The following SDCCAG8 variants were observed in gnomAD, a reference collection of about 807,000 sequenced individuals.
The protein encoded by SDCCAG8 is SHH signaling and ciliogenesis regulator SDCCAG8.
A neutral mutation model predicts 101.8 loss-of-function variants in SDCCAG8; 74 were observed. The observed-to-expected ratio is 0.73, with a 90% CI of 0.60 to 0.88. SDCCAG8 has a LOEUF of 0.88. Ranked by LOEUF, SDCCAG8 falls within the 40% of genes least tolerant of loss-of-function variation. The pLI, the probability that SDCCAG8 is intolerant of heterozygous loss-of-function variation, is 0.00. For synonymous variants in SDCCAG8, 281 were observed against 292.9 expected (o/e 0.96, Z 0.41); for missense variants, 787 against 822.6 (o/e 0.96, Z 0.53).
At chr1:243,265,808 G>A (rs138495821) in intron 1 of SDCCAG8, among the ~76,000 whole-genome samples, 1,794 of 149,120 alleles carry the variant, frequency 0.012, 23 homozygotes, top group Non-Finnish European at 0.016. Flanking sequence ...GGGAGACTTC[G>A]TCTCCAAAAA....
At chr1:243,452,487 G>A (rs12743378) in intron 16 of SDCCAG8, among the ~76,000 whole-genome samples, 14,526 of 140,634 alleles carry the variant, frequency 0.1, 839 homozygotes, top group Non-Finnish European at 0.14. Flanking sequence ...CAGTGGTGCA[G>A]TCACAGCTTA....
chr1:243,327,507 G>A (rs568899536), intron 9 of SDCCAG8, among the ~76,000 whole-genome samples: 5 of 148,460 alleles, frequency 3.4e-5, no homozygotes, highest in African/African-American at 7.4e-5. Context: ...TTATAATTTT[G>A]TAGAAATTAA....
At chr1:243,330,921 T>A (rs1017810248) in intron 10 of SDCCAG8, among the ~76,000 whole-genome samples, 1 of 152,242 alleles carries the variant, frequency 6.6e-6, no homozygotes, top group African/African-American at 2.4e-5. Flanking sequence ...TTAGATTCCA[T>A]ACAATGAAAT....
chr1:243,266,175 G>T (rs2067566837), intron 1 of SDCCAG8, among the ~76,000 whole-genome samples: 1 of 152,130 alleles, frequency 6.6e-6, no homozygotes, highest in Non-Finnish European at 1.5e-5. Context: ...TTTCTGTGAT[G>T]AGAACATCAA....
chr1:243,352,855 T>C (rs2076156662), intron 12 of SDCCAG8, among the ~76,000 whole-genome samples: 1 of 152,222 alleles, frequency 6.6e-6, no homozygotes, highest in Non-Finnish European at 1.5e-5. Context: ...TTTAACATTA[T>C]CTTAAGCATT....
chr1:243,288,148 C>A (rs932858562), intron 5 of SDCCAG8, among the ~76,000 whole-genome samples: 2 of 152,054 alleles, frequency 1.3e-5, no homozygotes, highest in East Asian at 3.8e-4. Flanking sequence ...GTTACCCCCA[C>A]GTTTTACCTG....
intron 13 of SDCCAG8, among the ~76,000 whole-genome samples, chr1:243,390,260 G>A (rs768336497): frequency 6.6e-6 from 1 of 152,096 alleles, no homozygotes; most frequent in Non-Finnish European, 1.5e-5. Flanking sequence ...CAGAGAATGT[G>A]TCAAAAATAA....
intron 4 of SDCCAG8, among the ~76,000 whole-genome samples, chr1:243,284,793 A>AT (rs1431711380): frequency 1.3e-5 from 2 of 151,776 alleles, no homozygotes; most frequent in African/African-American, 4.8e-5. Flanking sequence ...GCATAAGGGG[A>AT]TTTTTTTCTA....
intron 12 of SDCCAG8, among the ~76,000 whole-genome samples, chr1:243,369,990 C>A (rs1441535290): frequency 6.6e-6 from 1 of 152,030 alleles, no homozygotes; most frequent in Non-Finnish European, 1.5e-5. Context: ...TCTGAATCTA[C>A]CTCTCCCAGT....
At chr1:243,336,347 T>A (rs925911755) in intron 10 of SDCCAG8, among the ~76,000 whole-genome samples, 3 of 152,128 alleles carry the variant, frequency 2.0e-5, no homozygotes, top group African/African-American at 7.2e-5. Context: ...CTCATTGTGG[T>A]TTTGATTTGC....
intron 8 of SDCCAG8, among the ~76,000 whole-genome samples, chr1:243,314,674 G>T (rs2073075559): frequency 6.6e-6 from 1 of 151,816 alleles, no homozygotes; most frequent in African/African-American, 2.4e-5. Flanking sequence ...TCCTGTTGTG[G>T]ATCTGTCTGT....
intron 16 of SDCCAG8, among the ~76,000 whole-genome samples, chr1:243,434,152 G>A (rs1436660102): frequency 1.3e-5 from 2 of 152,220 alleles, no homozygotes; most frequent in African/African-American, 2.4e-5. Flanking sequence ...CCCCTACGGT[G>A]CAGTATTGCA....
chr1:243,267,335 G>A (rs2067698609), intron 1 of SDCCAG8: 1 of 235,032 alleles, frequency 4.3e-6, no homozygotes, highest in Non-Finnish European at 8.5e-6. Flanking sequence ...GGTGGCTTAC[G>A]CCTGTAATCC....
intron 13 of SDCCAG8, among the ~76,000 whole-genome samples, chr1:243,401,472 G>C (rs927041184): frequency 2.0e-5 from 3 of 152,206 alleles, no homozygotes; most frequent in Admixed American, 1.3e-4. Context: ...ATGATATAAG[G>C]ATGATTACTA....
At chr1:243,320,138 A>C (rs554954228) in intron 9 of SDCCAG8, among the ~76,000 whole-genome samples, 6 of 152,292 alleles carry the variant, frequency 3.9e-5, no homozygotes, top group African/African-American at 1.4e-4. Context: ...CTGATCAGAA[A>C]ACTGGATTTC....
In SDCCAG8 at chr1:243,341,114, A is replaced by G. The variant is rs769796315; in HGVS notation, c.1297A>G (p.Ile433Val). The change falls in exon 11 of 18, where the codon ATT (isoleucine) becomes GTT (valine). Residue 433 changes from isoleucine to valine, a missense_variant. Physicochemically the swap from Ile to Val is conservative, Grantham distance 29. Coordinates refer to ENST00000366541, the MANE Select transcript of SDCCAG8 (RefSeq NM_006642.5). Reference protein sequence around the residue: ...EKVTKEKISAINQLEEIQSQL... With the variant: ...EKVTKEKISAVNQLEEIQSQL... ...GGTTACAAAGGAAAAGATTTCAGCT[A>G]TTAATCAACTGGAGGAAATTCAAAG... The G allele has an allele frequency of 6.8e-6, 11 of 1,613,972 alleles. No homozygotes were observed. The highest frequency in any genetic ancestry group is 9.3e-6 in the Non-Finnish European group (11 of 1,179,916).
intron 13 of SDCCAG8, among the ~76,000 whole-genome samples, chr1:243,397,991 C>T: frequency 6.6e-6 from 1 of 152,190 alleles, no homozygotes; most frequent in South Asian, 2.1e-4. Flanking sequence ...GAAAATTTTA[C>T]TACATTACAT....
chr1:243,417,876 G>C (rs1263679809), intron 14 of SDCCAG8, 92 bp from the exon 15 acceptor site: 1 of 879,918 alleles, frequency 1.1e-6, no homozygotes, highest in African/African-American at 1.6e-5. Flanking sequence ...AATGTGTAGG[G>C]GTCTAAGCAC....
At chr1:243,352,082 T>C (rs935579505) in intron 12 of SDCCAG8, among the ~76,000 whole-genome samples, 4 of 152,242 alleles carry the variant, frequency 2.6e-5, no homozygotes, top group Admixed American at 1.3e-4. Flanking sequence ...TCTATTAATT[T>C]CTGCTTGTTA....
Sources: allele counts gnomAD v4.1 joint callset (sites outside exome capture counted in the v4.1 genomes callset), GRCh38; gene constraint gnomAD v4.1.1; transcripts MANE v1.5; gene names NCBI Gene and HGNC (gene_info 2026-07-23, HGNC 2026-07-21).